The following CD82 variants were observed in gnomAD, a reference collection of about 807,000 sequenced individuals.
The protein encoded by CD82 is CD82 molecule.
In CD82, 36 loss-of-function variants were observed where a neutral mutation model predicts 37.4. The observed-to-expected ratio is 0.96, with a 90% CI of 0.74 to 1.27. The LOEUF is 1.27. CD82 is among the 50% of genes most tolerant of loss of function. CD82 has a pLI of 0.00. For missense variants in CD82, 340 were observed against 347.0 expected (o/e 0.98, Z 0.16); for synonymous variants, 158 against 137.4 (o/e 1.15, Z -1.05).
At chr11:44,577,583 C>A (rs1852915760) in intron 1 of CD82, among the ~76,000 whole-genome samples, 1 of 152,174 alleles carries the variant, frequency 6.6e-6, no homozygotes, top group Non-Finnish European at 1.5e-5. Flanking sequence ...GAAAGGTTAG[C>A]CTCAGACCTG....
chr11:44,592,309 C>A (rs1265590904), intron 2 of CD82, among the ~76,000 whole-genome samples: 2 of 152,332 alleles, frequency 1.3e-5, no homozygotes, highest in East Asian at 3.9e-4. Flanking sequence ...TGCCAATGGC[C>A]CCATTGCCAA....
intron 3 of CD82, among the ~76,000 whole-genome samples, chr11:44,598,212 G>A (rs960630581): frequency 1.3e-5 from 2 of 152,052 alleles, no homozygotes; most frequent in Non-Finnish European, 2.9e-5. Flanking sequence ...GGTGGTCACC[G>A]TGCCTTTGTG....
chr11:44,618,187 T>G lies in CD82; in HGVS notation c.464T>G (p.Phe155Cys), dbSNP rs1408829871. 1 of 1,614,026 alleles carries G rather than the reference T, an allele frequency of 6.2e-7. No homozygotes were observed. Among genetic ancestry groups the G allele is most frequent in the Admixed American group, 1.7e-5 (1 of 60,022 alleles). The change falls in exon 8 of 10, where the codon TTC (phenylalanine) becomes TGC (cysteine). Residue 155 changes from phenylalanine (F) to cysteine (C), a missense_variant. By Grantham distance (205) the Phe-to-Cys change is radical (BLOSUM62 -2). Coordinates refer to ENST00000227155, the MANE Select transcript of CD82 (RefSeq NM_002231.4). ...GTGAAGTGCTGCGGCTGGGTCAGCT[T>G]CTACAACTGGACAGACAACGCTGAG... ...AQVKCCGWVSFYNWTDNAELM... is the reference protein window; with the variant it reads ...AQVKCCGWVSCYNWTDNAELM...
intron 1 of CD82, among the ~76,000 whole-genome samples, chr11:44,577,122 A>G (rs1278621149): frequency 1.3e-5 from 2 of 152,142 alleles, no homozygotes; most frequent in Non-Finnish European, 2.9e-5. Context: ...AAGATAGGGT[A>G]GTCCAGGCTG....
intron 4 of CD82, among the ~76,000 whole-genome samples, chr11:44,603,051 A>G (rs1234662038): frequency 6.6e-6 from 1 of 152,204 alleles, no homozygotes; most frequent in Non-Finnish European, 1.5e-5. Flanking sequence ...TGTCTGGGCA[A>G]TGTCAGTTTC....
At chr11:44,601,156 G>C (rs1218822323) in intron 4 of CD82, among the ~76,000 whole-genome samples, 1 of 152,172 alleles carries the variant, frequency 6.6e-6, no homozygotes, top group African/African-American at 2.4e-5. Context: ...TCCCCTCGCT[G>C]AGTTTGGCCT....
At chr11:44,570,240 C>A (rs533233758) in intron 1 of CD82, among the ~76,000 whole-genome samples, 1 of 152,330 alleles carries the variant, frequency 6.6e-6, no homozygotes, top group African/African-American at 2.4e-5. Flanking sequence ...CTCTGGCTGC[C>A]TTTCCCAAGC....
chr11:44,601,489 C>G (rs73454751), intron 4 of CD82, among the ~76,000 whole-genome samples: 3,465 of 152,260 alleles, frequency 0.023, 142 homozygotes, highest in African/African-American at 0.08. Context: ...TTAGGCCCAG[C>G]TCTCTACTTC....
intron 7 of CD82, among the ~76,000 whole-genome samples, chr11:44,617,046 G>A (rs1393691859): frequency 1.3e-5 from 2 of 152,016 alleles, no homozygotes; most frequent in African/African-American, 2.4e-5. Context: ...TGCCTGGCAC[G>A]CCCCCTGCTG....
intron 6 of CD82, among the ~76,000 whole-genome samples, chr11:44,610,721 T>A (rs1853468625): frequency 6.6e-6 from 1 of 152,242 alleles, no homozygotes; most frequent in African/African-American, 2.4e-5. Context: ...GAGCCTCATT[T>A]TTCTCTTCTG....
intron 1 of CD82, among the ~76,000 whole-genome samples, chr11:44,583,216 C>T (rs1853006259): frequency 6.6e-6 from 1 of 152,134 alleles, no homozygotes; most frequent in Non-Finnish European, 1.5e-5. Context: ...CTGTGGAAAG[C>T]AAGAGGTCAG....
At chr11:44,587,598 C>T (rs1853075837) in intron 2 of CD82, 42 bp downstream of exon 2, 1 of 456,106 alleles carries the variant, frequency 2.2e-6, no homozygotes, top group East Asian at 7.0e-5. Context: ...GGAGGGGACA[C>T]ACTTGGGCTG....
intron 2 of CD82, 23 bp from the exon 3 acceptor site, chr11:44,594,620 C>T (rs1205650306): frequency 2.0e-6 from 3 of 1,512,382 alleles, no homozygotes; most frequent in South Asian, 1.1e-5. Flanking sequence ...CCCTCACTGG[C>T]CTGCCTGCCT....
chr11:44,576,644 G>C (rs913353216), intron 1 of CD82, among the ~76,000 whole-genome samples: 1 of 152,222 alleles, frequency 6.6e-6, no homozygotes, highest in African/African-American at 2.4e-5. Flanking sequence ...ATCCTGCTCT[G>C]CTGCTGCCTG....
Position 44,618,752 on chromosome 11 carries a change from C to T in CD82, c.726+29C>T, listed in dbSNP as rs756853651. ...TGAGCCCCCTCCCCCATCCCTTCTC[C>T]ATCCCAGGTCCTCCTGGGTTGTCTC... On this transcript the variant is annotated intron_variant, in intron 9 of 9. Transcript: ENST00000227155. 5.7e-6 allele frequency: 9 copies of T among 1,576,616 alleles called. No homozygotes were observed. In the South Asian group the frequency reaches 7.8e-5, roughly 14 times the overall value.
chr11:44,612,196 C>T (rs563742449), intron 6 of CD82, among the ~76,000 whole-genome samples: 2 of 152,324 alleles, frequency 1.3e-5, no homozygotes, highest in South Asian at 2.1e-4. Flanking sequence ...TGGGTATAGC[C>T]GTGTGGTTTA....
At position 44,619,238 on chromosome 11, in the gene CD82, C is replaced by A; in HGVS notation, c.*112C>A. Reference sequence around the variant, plus strand: ...CCACTTCACTGCGAAGACCCTCTTGCCCATCCTGACTGAAAGTAGGGGGCT... The same window carrying A: ...CCACTTCACTGCGAAGACCCTCTTGACCATCCTGACTGAAAGTAGGGGGCT... On this transcript the variant is annotated 3_prime_UTR_variant, in exon 10 of 10. Coordinates refer to ENST00000227155, the MANE Select transcript of CD82 (RefSeq NM_002231.4). The A allele has an allele frequency of 1.2e-6, 1 of 852,882 alleles. No individual in the cohort carries two copies. Among genetic ancestry groups the A allele is most frequent in the Middle Eastern group, 2.3e-4 (1 of 4,356 alleles). 52.8% of individuals were successfully genotyped at this position (852,882 alleles called of 1,614,324 possible).
chr11:44,577,828 G>A lies in CD82; in HGVS notation c.-102-9647G>A, dbSNP rs562777486. 3.0e-3 allele frequency among the ~76,000 whole-genome samples: 464 copies of A among 152,248 alleles called. 1 individual carries two copies. Among genetic ancestry groups the A allele is most frequent in the Non-Finnish European group, 4.8e-3 (327 of 68,000 alleles). On this transcript the variant is annotated intron_variant, in intron 1 of 9. Transcript: ENST00000227155. ...GTTCTGCCTCCACCTACCCCAACCC[G>A]CTTGAGTAGGGCGCCGGGTTGGGCC...
At chr11:44,615,244 A>T in intron 6 of CD82, 28 bp from the exon 7 acceptor site, 1 of 1,492,832 alleles carries the variant, frequency 6.7e-7, no homozygotes, top group East Asian at 2.3e-5. Context: ...AGGAAATCTG[A>T]CCCTGACCTT....
Sources: allele counts gnomAD v4.1 joint callset (sites outside exome capture counted in the v4.1 genomes callset), GRCh38; gene constraint gnomAD v4.1.1; transcripts MANE v1.5; gene names NCBI Gene and HGNC (gene_info 2026-07-23, HGNC 2026-07-21).